Variants in INSIG1 observed in about 807,000 individuals in gnomAD.
INSIG1 encodes insulin induced gene 1.
In INSIG1, 14 loss-of-function variants were observed where a neutral mutation model predicts 26.5. The observed-to-expected ratio is 0.53, with a 90% CI of 0.35 to 0.83. The LOEUF is 0.83. Among genes scored for constraint, INSIG1 ranks in the 40% least tolerant of loss-of-function variants. The probability of loss-of-function intolerance (pLI) is 0.01; values close to 1 mark genes in which losing one functional copy is unlikely to be tolerated. For missense variants in INSIG1, 272 were observed against 368.9 expected, an observed-to-expected ratio of 0.74 and a Z score of 2.15; for synonymous variants, 147 against 153.3, an observed-to-expected ratio of 0.96 and a Z score of 0.30.
At chr7:155,298,170 G>T (rs895426944) in intron 1 of INSIG1, 89 bp from the exon 2 acceptor site, 24 of 1,171,398 alleles carry the variant, frequency 2.0e-5, no homozygotes, top group South Asian at 4.5e-5. Context: ...CGGCGCTGCC[G>T]CCTGGCCCGG....
At chr7:155,306,759 G>C (rs528307446) in intron 5 of INSIG1, among the ~76,000 whole-genome samples, 2 of 152,204 alleles carry the variant, frequency 1.3e-5, no homozygotes, top group African/African-American at 2.4e-5. Context: ...AGAGGTCGAC[G>C]TGGCACCGTG....
In INSIG1 at chr7:155,309,913, T is replaced by C. The variant is rs2150905148; in HGVS notation, c.*1643T>C. ...GCATTTTATGAAAAACCAGAAGTTA[T>C]TAGATGAAAGCAGCGAGTGAATCTT... On this transcript the variant is annotated 3_prime_UTR_variant, in exon 6 of 6. Coordinates refer to ENST00000340368, the MANE Select transcript of INSIG1 (RefSeq NM_005542.6). 6.5e-6 allele frequency: 1 copy of C among 152,766 alleles called. No homozygotes were observed. Among genetic ancestry groups the C allele is most frequent in the South Asian group, 2.1e-4 (1 of 4,826 alleles). The allele number at this position is 152,766 out of a possible 1,614,324, so 9.5% of individuals were successfully genotyped here.
Position 155,302,880 on chromosome 7 carries a change from T to TG in INSIG1, c.804+35dup. Reference sequence around the variant, plus strand: ...AATGATCATATTATCTTCTAAAACTTGCGTCTCTTTACCTTGATAGAATGA... The same window carrying TG: ...AATGATCATATTATCTTCTAAAACTTGGCGTCTCTTTACCTTGATAGAATGA... On this transcript the variant is annotated intron_variant, in intron 5 of 5. Coordinates refer to ENST00000340368, the MANE Select transcript of INSIG1 (RefSeq NM_005542.6). The surrounding 1 kb of genome is among the most constrained non-coding windows in gnomAD (Gnocchi z 4.3). 1.4e-6 allele frequency: 2 copies of TG among 1,402,012 alleles called. No homozygotes were observed. The highest frequency in any genetic ancestry group is 2.0e-6 in the Non-Finnish European group (2 of 987,560). The allele number at this position is 1,402,012 out of a possible 1,614,324, so 86.8% of individuals were successfully genotyped here. A position where few individuals can be genotyped will look rare whatever the true frequency, so the allele number is the denominator to read the frequency against.
At position 155,302,331 on chromosome 7, in the gene INSIG1, T is replaced by C; in HGVS notation, c.618T>C (p.Arg206=). 3.1e-6 allele frequency: 5 copies of C among 1,611,804 alleles called. No homozygotes were observed. Among genetic ancestry groups the C allele is most frequent in the Non-Finnish European group, 4.2e-6 (5 of 1,179,018 alleles). Reference sequence around the variant, plus strand: ...TGGGCCTTTGGTGGACATTTGATCGTTCCAGAAGTGGCCTTGGGCTGGGGA... The same window carrying C: ...TGGGCCTTTGGTGGACATTTGATCGCTCCAGAAGTGGCCTTGGGCTGGGGA... ...LSLGLWWTFD[R]SRSGLGLGIT... The change falls in exon 4 of 6, where the codon CGT becomes CGC. Residue 206 remains arginine (R), a synonymous_variant. Coordinates refer to ENST00000340368, the MANE Select transcript of INSIG1 (RefSeq NM_005542.6). This position sits in a 1 kb window ranked among gnomAD's most constrained non-coding sequence, Gnocchi z 4.3.
Position 155,302,756 on chromosome 7 carries a change from C to A in INSIG1, c.714C>A (p.Ser238=), listed in dbSNP as rs763305791. ...LVYNGVYQYT[S]PDFLYIRSWL... ...TCTTTTCTCGCTCCAGGTATACATC[C>A]CCAGATTTCCTCTATATTCGTTCTT... The change falls in exon 5 of 6, where the codon TCC becomes TCA. Residue 238 remains serine, a synonymous_variant. Transcript: ENST00000340368. The surrounding 1 kb of genome is among the most constrained non-coding windows in gnomAD (Gnocchi z 4.3). 6.2e-7 allele frequency: 1 copy of A among 1,607,400 alleles called. No individual in the cohort carries two copies. The highest frequency in any genetic ancestry group is 8.5e-7 in the Non-Finnish European group (1 of 1,174,266).
chr7:155,300,614 TACAG>T (rs1226392836), intron 2 of INSIG1, among the ~76,000 whole-genome samples: 2 of 152,158 alleles, frequency 1.3e-5, no homozygotes, highest in Non-Finnish European at 2.9e-5. Flanking sequence ...CACTCCCCCC[TACAG>T]ACATTCATTC....
intron 2 of INSIG1, among the ~76,000 whole-genome samples, 160 bp from the exon 3 acceptor site, chr7:155,301,406 T>C (rs1489813901): frequency 1.3e-5 from 2 of 152,230 alleles, no homozygotes; most frequent in Non-Finnish European, 2.9e-5. Context: ...GGAGTGGTAC[T>C]CAAAGAGAAC....
chr7:155,300,825 G>C (rs1797763032), intron 2 of INSIG1, among the ~76,000 whole-genome samples: 2 of 152,220 alleles, frequency 1.3e-5, no homozygotes, highest in Admixed American at 1.3e-4. Flanking sequence ...CAGAGGGCAA[G>C]CTGGGATTTG....
chr7:155,298,368 C>T lies in INSIG1; in HGVS notation c.83C>T (p.Ala28Val), dbSNP rs1367722240. Residue 28 changes from alanine (A) to valine (V), a missense_variant, in exon 2 of 6, where the codon GCG becomes GTG. Transcript: ENST00000340368. ...RRRGPPRASA[A>V]GLAAKVGEMI... Reference sequence around the variant, plus strand: ...CGAGGCCCCCCGCGAGCCAGCGCCGCGGGGCTGGCGGCCAAGGTTGGGGAG... The same window carrying T: ...CGAGGCCCCCCGCGAGCCAGCGCCGTGGGGCTGGCGGCCAAGGTTGGGGAG... The T allele has an allele frequency of 2.0e-6, 3 of 1,522,006 alleles. No individual in the cohort carries two copies. Among genetic ancestry groups the T allele is most frequent in the Non-Finnish European group, 2.6e-6 (3 of 1,141,686 alleles). The allele number at this position is 1,522,006 out of a possible 1,614,324, so 94.3% of individuals were successfully genotyped here. A position where few individuals can be genotyped will look rare whatever the true frequency, so the allele number is the denominator to read the frequency against.
chr7:155,301,845 G>A (rs1157430487), intron 3 of INSIG1, among the ~76,000 whole-genome samples, 155 bp downstream of exon 3: 1 of 150,856 alleles, frequency 6.6e-6, no homozygotes, highest in Non-Finnish European at 1.5e-5. Flanking sequence ...AAAGAAGAAT[G>A]GGGCTATCGA....
chr7:155,302,814 A>T lies in INSIG1; in HGVS notation c.772A>T (p.Thr258Ser). 1 of 1,611,240 alleles carries T rather than the reference A, an allele frequency of 6.2e-7. No individual in the cohort carries two copies. The highest frequency in any genetic ancestry group is 1.3e-5 in the African/African-American group (1 of 74,948). The change falls in exon 5 of 6, where the codon ACG becomes TCG. Residue 258 changes from threonine to serine, a missense_variant. Transcript: ENST00000340368. This position sits in a 1 kb window ranked among gnomAD's most constrained non-coding sequence, Gnocchi z 4.3. ...LPCIFFSGGV[T>S]VGNIGRQLAM... ...TTGTATATTTTTCTCAGGAGGCGTCACGGTGGGGAACATAGGACGACAGTT... is the reference window on the plus strand; with the variant it reads ...TTGTATATTTTTCTCAGGAGGCGTCTCGGTGGGGAACATAGGACGACAGTT...
chr7:155,300,113 AT>A (rs1159397275), intron 2 of INSIG1, among the ~76,000 whole-genome samples: 2 of 152,184 alleles, frequency 1.3e-5, no homozygotes, highest in African/African-American at 2.4e-5. Flanking sequence ...CTATATCTAG[AT>A]TTAAAATTCC....
chr7:155,298,170 G>C, intron 1 of INSIG1, 89 bp from the exon 2 acceptor site: 1 of 1,171,400 alleles, frequency 8.5e-7, no homozygotes. Flanking sequence ...CGGCGCTGCC[G>C]CCTGGCCCGG....
intron 5 of INSIG1, 117 bp from the exon 6 acceptor site, chr7:155,308,124 T>G: frequency 1.7e-6 from 1 of 603,278 alleles, no homozygotes; most frequent in East Asian, 2.8e-5. Flanking sequence ...TCTTGTTGCT[T>G]CAGTCAAAGA....
Position 155,297,910 on chromosome 7 carries a change from C to T in INSIG1, c.-77C>T, listed in dbSNP as rs561143996. Reference sequence around the variant, plus strand: ...TCCCGGGCCGTGACTCCTCCTTTCCCCCGCCCCGCCTCCGTTCGGAGAGCC... The same window carrying T: ...TCCCGGGCCGTGACTCCTCCTTTCCTCCGCCCCGCCTCCGTTCGGAGAGCC... On this transcript the variant is annotated 5_prime_UTR_variant, in exon 1 of 6. Transcript: ENST00000340368. 15 of 165,520 alleles carry T rather than the reference C, an allele frequency of 9.1e-5. No homozygotes were observed. Among genetic ancestry groups the T allele is most frequent in the Non-Finnish European group, 1.3e-4 (10 of 77,218 alleles). The allele number at this position is 165,520 out of a possible 1,614,324, so 10.3% of individuals were successfully genotyped here. A position where few individuals can be genotyped will look rare whatever the true frequency, so the allele number is the denominator to read the frequency against.
intron 5 of INSIG1, chr7:155,303,724 AAC>A: frequency 2.2e-6 from 1 of 463,784 alleles, no homozygotes; most frequent in East Asian, 7.8e-5. Context: ...AATTAAAAAA[AAC>A]AACAAAAACC....
intron 5 of INSIG1, among the ~76,000 whole-genome samples, chr7:155,306,095 G>T (rs144988527): frequency 0.011 from 1,653 of 152,274 alleles, 23 homozygotes; most frequent in African/African-American, 0.038. Context: ...CGTCTCCCAG[G>T]TTCAAATGAT....
At position 155,302,958 on chromosome 7, in the gene INSIG1, T is replaced by A; in HGVS notation, c.804+112T>A. 1.5e-6 allele frequency: 1 copy of A among 658,810 alleles called. No homozygotes were observed. Among genetic ancestry groups the A allele is most frequent in the South Asian group, 1.9e-5 (1 of 51,358 alleles). 40.8% of individuals were successfully genotyped at this position (658,810 alleles called of 1,614,324 possible). A position where few individuals can be genotyped will look rare whatever the true frequency, so the allele number is the denominator to read the frequency against. On this transcript the variant is annotated intron_variant, in intron 5 of 5. Coordinates refer to ENST00000340368, the MANE Select transcript of INSIG1 (RefSeq NM_005542.6). The surrounding 1 kb of genome is among the most constrained non-coding windows in gnomAD (Gnocchi z 4.3). ...TCATATATTCTGGTTCAGACTTGAG[T>A]GACAACTACTGAGAAAAGCTTATAT...
chr7:155,297,997 T>G, intron 1 of INSIG1, 38 bp downstream of exon 1: 9 of 280,246 alleles, frequency 3.2e-5, no homozygotes, highest in East Asian at 6.0e-5. Flanking sequence ...CGGGCGGGCT[T>G]TGGTCGCGCA....
Sources: gnomAD v4.1 joint callset for allele counts (sites outside exome capture counted in the v4.1 genomes callset) on GRCh38, gnomAD v4.1.1 for gene constraint, Gnocchi (gnomAD v3.1) non-coding constraint, MANE v1.5 for transcripts, NCBI Gene and HGNC (gene_info 2026-07-23, HGNC 2026-07-21) for gene names.